NELL1: variants seen among roughly 807,000 people sequenced by gnomAD.
The protein encoded by NELL1 is protein kinase C-binding protein NELL1.
Under a neutral mutation model 107.4 loss-of-function variants are expected in NELL1, and 76 were observed. The ratio of observed to expected loss-of-function variants is 0.71; its 90% CI spans 0.59 to 0.86. NELL1 has a LOEUF of 0.86. Ranked by LOEUF, NELL1 falls within the 40% of genes least tolerant of loss-of-function variation. The probability of loss-of-function intolerance (pLI) is 0.00; values close to 1 mark genes in which losing one functional copy is unlikely to be tolerated. For missense variants in NELL1, 1,024 were observed against 1,005.5 expected, an observed-to-expected ratio of 1.02 and a Z score of -0.25; for synonymous variants, 353 against 341.2, an observed-to-expected ratio of 1.03 and a Z score of -0.38.
chr11:20,959,560 C>T (rs533079885), intron 11 of NELL1, among the ~76,000 whole-genome samples: 1 of 152,164 alleles, frequency 6.6e-6, no homozygotes, highest in African/African-American at 2.4e-5. Flanking sequence ...AGTGAAGTAA[C>T]CCAGGAATAG....
At chr11:21,284,639 C>G in intron 14 of NELL1, 2 of 407,144 alleles carry the variant, frequency 4.9e-6, no homozygotes, top group South Asian at 3.6e-5. Flanking sequence ...ACAGTGTCTG[C>G]ACAGGTTTGA....
intron 12 of NELL1, among the ~76,000 whole-genome samples, chr11:21,011,260 AT>A (rs1852440184): frequency 6.6e-6 from 1 of 151,950 alleles, no homozygotes; most frequent in Non-Finnish European, 1.5e-5. Context: ...TTTGTTATTC[AT>A]TTTCATTGAC....
chr11:21,171,557 T>A (rs534278332), intron 13 of NELL1, among the ~76,000 whole-genome samples: 1 of 151,788 alleles, frequency 6.6e-6, no homozygotes, highest in African/African-American at 2.4e-5. Flanking sequence ...TTCGGATATT[T>A]ATATAAGCTG....
chr11:21,148,354 C>T (rs561871317), intron 13 of NELL1, among the ~76,000 whole-genome samples: 54 of 152,122 alleles, frequency 3.5e-4, no homozygotes, highest in African/African-American at 1.1e-3. Flanking sequence ...CATGAGAGGT[C>T]GCCGGGGGGA....
chr11:21,463,546 C>A (rs1853951517), intron 15 of NELL1, among the ~76,000 whole-genome samples: 1 of 152,012 alleles, frequency 6.6e-6, no homozygotes, highest in Non-Finnish European at 1.5e-5. Flanking sequence ...GTTTCCAAAC[C>A]AGATTTGTCT....
intron 3 of NELL1, among the ~76,000 whole-genome samples, chr11:20,836,066 A>G (rs996793651): frequency 1.3e-5 from 2 of 152,180 alleles, no homozygotes; most frequent in African/African-American, 4.8e-5. Flanking sequence ...TATAAGAACA[A>G]TTGAAACTCA....
intron 7 of NELL1, among the ~76,000 whole-genome samples, chr11:20,926,809 T>C (rs1036779639): frequency 6.6e-6 from 1 of 152,220 alleles, no homozygotes; most frequent in African/African-American, 2.4e-5. Flanking sequence ...TTTTCTTTTT[T>C]TCTGACCCCA....
intron 2 of NELL1, among the ~76,000 whole-genome samples, chr11:20,692,497 G>T (rs1294331418): frequency 6.6e-6 from 1 of 150,982 alleles, no homozygotes; most frequent in Admixed American, 6.6e-5. Flanking sequence ...CTTTGTTCTC[G>T]TTGGTTTCAA....
At chr11:20,984,583 G>A (rs181310652) in intron 12 of NELL1, among the ~76,000 whole-genome samples, 1 of 152,202 alleles carries the variant, frequency 6.6e-6, no homozygotes, top group East Asian at 1.9e-4. Context: ...TTTCACAAAT[G>A]TTGGGAAGCT....
At chr11:20,731,936 G>A (rs1855655434) in intron 2 of NELL1, among the ~76,000 whole-genome samples, 1 of 152,150 alleles carries the variant, frequency 6.6e-6, no homozygotes, top group African/African-American at 2.4e-5. Context: ...AAGACTCTCT[G>A]AGTAAAAGAC....
In NELL1 at chr11:20,780,325, C is replaced by T. The variant is rs1856828538; in HGVS notation, c.185-3355C>T. On this transcript the variant is annotated intron_variant, in intron 2 of 19. Coordinates refer to ENST00000357134, the MANE Select transcript of NELL1 (RefSeq NM_006157.5). The stretch of plus-strand genomic sequence containing the variant: ...TACAATAAATTTTCATGGCCATGAG[C>T]ATTTGAGAAGGACCCATTTATCTCC... 2.0e-5 allele frequency among the ~76,000 whole-genome samples: 3 copies of T among 152,078 alleles called. No individual in the cohort carries two copies. In the South Asian group the frequency reaches 6.2e-4, roughly 32 times the overall value.
chr11:21,299,511 A>ATGTGTGTGTGTGTGTG (rs71063696), intron 14 of NELL1, among the ~76,000 whole-genome samples: 2 of 136,486 alleles, frequency 1.5e-5, no homozygotes, highest in Non-Finnish European at 1.6e-5. Flanking sequence ...ATTGTCTTAT[A>ATGTGTGTGTGTGTGTG]TGTGTGTGTG....
intron 12 of NELL1, among the ~76,000 whole-genome samples, chr11:20,973,296 T>C (rs1182672709): frequency 6.6e-6 from 1 of 151,910 alleles, no homozygotes; most frequent in East Asian, 1.9e-4. Flanking sequence ...TTAGAAGAGA[T>C]GGGGTTTCTC....
At chr11:21,229,236 G>A (rs1053978300) in intron 13 of NELL1, 96 bp from the exon 14 acceptor site, 15 of 1,422,472 alleles carry the variant, frequency 1.1e-5, no homozygotes, top group African/African-American at 1.4e-5. Flanking sequence ...GGTAGTCACT[G>A]TCATTCTTAT....
chr11:21,439,087 A>C (rs547012135), intron 15 of NELL1, among the ~76,000 whole-genome samples: 1 of 151,746 alleles, frequency 6.6e-6, no homozygotes, highest in Admixed American at 6.6e-5. Context: ...GTGACATAAA[A>C]GGTGAAGGTG....
chr11:21,402,981 G>A lies in NELL1; in HGVS notation c.1645+32033G>A, dbSNP rs1040365830. Among the ~76,000 whole-genome samples the A allele has an allele frequency of 5.9e-5, 9 of 151,586 alleles. 1 individual carries two copies. Among genetic ancestry groups the A allele is most frequent in the African/African-American group, 2.2e-4 (9 of 41,204 alleles). ...ATATTGGTCAGTACCTGAAGAACTG[G>A]GCTGTGACTCTTGTCAATAACTGTA... is the stretch of plus-strand genomic sequence containing the variant. On this transcript the variant is annotated intron_variant, in intron 15 of 19. Transcript: ENST00000357134.
At chr11:21,354,941 C>T (rs970323330) in intron 14 of NELL1, among the ~76,000 whole-genome samples, 1 of 152,100 alleles carries the variant, frequency 6.6e-6, no homozygotes, top group African/African-American at 2.4e-5. Context: ...ACCTTCTTAC[C>T]TGGGGCTTTC....
At chr11:21,272,648 C>A (rs1293235960) in intron 14 of NELL1, among the ~76,000 whole-genome samples, 2 of 152,214 alleles carry the variant, frequency 1.3e-5, no homozygotes, top group South Asian at 2.1e-4. Context: ...CTGGGAGGCA[C>A]CCCCAAGTAG....
intron 12 of NELL1, among the ~76,000 whole-genome samples, chr11:21,055,593 A>T (rs575963248): frequency 6.6e-6 from 1 of 152,214 alleles, no homozygotes; most frequent in East Asian, 1.9e-4. Flanking sequence ...TTCTTCTGTT[A>T]TCTGTTCTAA....
Sources: allele counts gnomAD v4.1 joint callset (sites outside exome capture counted in the v4.1 genomes callset), GRCh38; gene constraint gnomAD v4.1.1; transcripts MANE v1.5; gene names NCBI Gene and HGNC (gene_info 2026-07-23, HGNC 2026-07-21).